The following PSMD14 variants were observed in gnomAD, a reference collection of about 807,000 sequenced individuals.
The protein encoded by PSMD14 is proteasome 26S subunit, non-ATPase 14.
In PSMD14, 7 loss-of-function variants were observed where a neutral mutation model predicts 41.2. The observed-to-expected ratio is 0.17, with a 90% CI of 0.10 to 0.32. The LOEUF (loss-of-function observed/expected upper bound fraction) is 0.32, where lower values mean the gene tolerates loss of function less well. Ranked by LOEUF, PSMD14 falls within the 10% of genes least tolerant of loss-of-function variation. PSMD14 has a pLI of 1.00. For missense variants in PSMD14, 139 were observed against 375.6 expected (o/e 0.37, Z 5.21); for synonymous variants, 114 against 122.3 (o/e 0.93, Z 0.45).
intron 3 of PSMD14, 52 bp downstream of exon 3, chr2:161,318,925 T>C (rs1474680683): frequency 2.8e-6 from 4 of 1,451,728 alleles, no homozygotes; most frequent in Admixed American, 2.0e-5. Context: ...ACAAGCCTTT[T>C]TGTAGTTAGC....
chr2:161,340,852 T>G, intron 3 of PSMD14: 1 of 1,613,956 alleles, frequency 6.2e-7, no homozygotes, highest in Non-Finnish European at 8.5e-7. Flanking sequence ...AGCTCCTCTT[T>G]GGTCATCATC....
chr2:161,323,099 T>TTAA (rs1290686306), intron 3 of PSMD14, among the ~76,000 whole-genome samples: 1 of 152,202 alleles, frequency 6.6e-6, no homozygotes, highest in Non-Finnish European at 1.5e-5. Context: ...AAATAATAGC[T>TTAA]TAAACTCCAT....
intron 3 of PSMD14, among the ~76,000 whole-genome samples, chr2:161,321,415 G>C (rs766882993): frequency 6.6e-6 from 1 of 152,128 alleles, no homozygotes; most frequent in Admixed American, 6.5e-5. Flanking sequence ...TTTGATGAAC[G>C]AAATGTCCAA....
At chr2:161,331,349 G>T (rs531069167) in intron 3 of PSMD14, among the ~76,000 whole-genome samples, 2 of 151,338 alleles carry the variant, frequency 1.3e-5, no homozygotes, top group East Asian at 3.9e-4. Context: ...TGCAACCTCC[G>T]CCTCCCAGGT....
At chr2:161,333,766 C>G (rs1328097833) in intron 3 of PSMD14, among the ~76,000 whole-genome samples, 2 of 152,210 alleles carry the variant, frequency 1.3e-5, no homozygotes, top group Non-Finnish European at 2.9e-5. Flanking sequence ...GGTGTGGTGG[C>G]TCACGCCTGT....
chr2:161,324,815 T>C (rs1434851195), intron 3 of PSMD14, among the ~76,000 whole-genome samples: 3 of 152,154 alleles, frequency 2.0e-5, no homozygotes, highest in Non-Finnish European at 4.4e-5. Context: ...TCCAGGCATA[T>C]AACAGGATTA....
intron 10 of PSMD14, chr2:161,408,110 A>G (rs1006071366): frequency 6.6e-6 from 1 of 152,072 alleles, no homozygotes; most frequent in Non-Finnish European, 1.5e-5. Flanking sequence ...AAGTAGTGGA[A>G]AGTGGTTTTC....
chr2:161,344,633 G>A (rs1235772076), intron 3 of PSMD14, among the ~76,000 whole-genome samples: 2 of 151,554 alleles, frequency 1.3e-5, no homozygotes, highest in Non-Finnish European at 1.5e-5. Context: ...CATTTCTGGT[G>A]TTCTTCTTTT....
At chr2:161,309,233 C>T (rs1689059999) in intron 1 of PSMD14, among the ~76,000 whole-genome samples, 1 of 152,150 alleles carries the variant, frequency 6.6e-6, no homozygotes, top group African/African-American at 2.4e-5. Flanking sequence ...AAATCTGCTA[C>T]CGTATGTTAC....
At chr2:161,400,465 A>G (rs1279956580) in intron 10 of PSMD14, among the ~76,000 whole-genome samples, 1 of 152,232 alleles carries the variant, frequency 6.6e-6, no homozygotes, top group Non-Finnish European at 1.5e-5. Context: ...CCACTTATAC[A>G]TGGATTTTTC....
intron 3 of PSMD14, among the ~76,000 whole-genome samples, chr2:161,320,091 A>G (rs978810331): frequency 2.0e-5 from 3 of 152,208 alleles, no homozygotes; most frequent in Non-Finnish European, 4.4e-5. Context: ...GAGAGCTTCT[A>G]GAATTTCTCT....
intron 7 of PSMD14, among the ~76,000 whole-genome samples, chr2:161,375,573 G>T (rs1683491841): frequency 6.6e-6 from 1 of 151,998 alleles, no homozygotes; most frequent in African/African-American, 2.4e-5. Context: ...TGGGAAGAAT[G>T]TAGAAACAAT....
At chr2:161,354,817 G>T (rs1284091099) in intron 3 of PSMD14, among the ~76,000 whole-genome samples, 1 of 152,166 alleles carries the variant, frequency 6.6e-6, no homozygotes, top group Non-Finnish European at 1.5e-5. Context: ...CTTTGATAGG[G>T]TCTCTTTATA....
chr2:161,353,550 C>T (rs1465434843), intron 3 of PSMD14, among the ~76,000 whole-genome samples: 2 of 152,144 alleles, frequency 1.3e-5, no homozygotes, highest in Non-Finnish European at 2.9e-5. Flanking sequence ...TCCCAGAATG[C>T]CTTTTCCCTC....
At chr2:161,359,194 G>C in intron 3 of PSMD14, among the ~76,000 whole-genome samples, 1 of 152,218 alleles carries the variant, frequency 6.6e-6, no homozygotes, top group Non-Finnish European at 1.5e-5. Flanking sequence ...GTGGTCTTCA[G>C]CTCCTGGGCT....
At chr2:161,327,607 GACT>G (rs1682718145) in intron 3 of PSMD14, among the ~76,000 whole-genome samples, 1 of 151,892 alleles carries the variant, frequency 6.6e-6, no homozygotes, top group South Asian at 2.1e-4. Context: ...TTCATAATTT[GACT>G]ACCTCAAGAC....
At chr2:161,360,012 G>A (rs933335229) in intron 3 of PSMD14, among the ~76,000 whole-genome samples, 1 of 152,004 alleles carries the variant, frequency 6.6e-6, no homozygotes, top group East Asian at 1.9e-4. Flanking sequence ...TGTAGTATGG[G>A]ATTGGTATCT....
chr2:161,359,233 A>C (rs1405954618), intron 3 of PSMD14, among the ~76,000 whole-genome samples: 5 of 152,166 alleles, frequency 3.3e-5, no homozygotes, highest in Admixed American at 3.3e-4. Flanking sequence ...TGGCCTCCCA[A>C]AGTGCTGGGA....
At chr2:161,403,812 T>G (rs1049163738) in intron 10 of PSMD14, among the ~76,000 whole-genome samples, 2 of 152,140 alleles carry the variant, frequency 1.3e-5, no homozygotes, top group African/African-American at 4.8e-5. Flanking sequence ...GCCTAACCCT[T>G]TCTCACTTTT....
Sources: allele counts gnomAD v4.1 joint callset (sites outside exome capture counted in the v4.1 genomes callset), GRCh38; gene constraint gnomAD v4.1.1; transcripts MANE v1.5; gene names NCBI Gene and HGNC (gene_info 2026-07-23, HGNC 2026-07-21).